The following HNRNPM variants were observed in gnomAD, a reference collection of about 807,000 sequenced individuals.
HNRNPM encodes the protein heterogeneous nuclear ribonucleoprotein M.
A neutral mutation model predicts 73.1 loss-of-function variants in HNRNPM; 11 were observed. The ratio of observed to expected loss-of-function variants is 0.15; its 90% CI spans 0.09 to 0.25. The LOEUF is 0.25. Ranked by LOEUF, HNRNPM falls within the 10% of genes least tolerant of loss-of-function variation. The probability of loss-of-function intolerance (pLI) is 1.00; values close to 1 mark genes in which losing one functional copy is unlikely to be tolerated. For synonymous variants in HNRNPM, 407 were observed against 355.2 expected (o/e 1.15, Z -1.64); for missense variants, 789 against 1,067.9 (o/e 0.74, Z 3.64).
intron 1 of HNRNPM, among the ~76,000 whole-genome samples, chr19:8,449,746 G>A (rs1394381043): frequency 1.1e-4 from 1 of 8,868 alleles, no homozygotes; most frequent in African/African-American, 1.2e-4. Flanking sequence ...CGTTTTAGCC[G>A]GGATGGTCTC....
Position 8,486,386 on chromosome 19 carries a change from G to C in HNRNPM, c.1958G>C (p.Cys653Ser). The part of the protein sequence containing the change: ...GHAPGVARKA[C>S]QIFVRNLPFD... The stretch of plus-strand genomic sequence containing the variant: ...GCTCCTGGGGTGGCCAGGAAGGCCT[G>C]CCAGATATTTGTGAGAAATGTAAGT... Residue 653 changes from cysteine (C) to serine (S), a missense_variant, in exon 14 of 16, where the codon TGC becomes TCC. Coordinates refer to ENST00000325495, the MANE Select transcript of HNRNPM (RefSeq NM_005968.5). 6.4e-7 allele frequency: 1 copy of C among 1,570,398 alleles called. No individual in the cohort carries two copies. Among genetic ancestry groups the C allele is most frequent in the Non-Finnish European group, 8.6e-7 (1 of 1,164,580 alleles).
At chr19:8,456,931 C>G (rs1969067431) in intron 2 of HNRNPM, among the ~76,000 whole-genome samples, 1 of 152,130 alleles carries the variant, frequency 6.6e-6, no homozygotes, top group African/African-American at 2.4e-5. Context: ...ATCCCAGATG[C>G]AGTGTTCTTG....
At chr19:8,469,066 G>A (rs1288270168) in intron 9 of HNRNPM, among the ~76,000 whole-genome samples, 1 of 152,194 alleles carries the variant, frequency 6.6e-6, no homozygotes, top group African/African-American at 2.4e-5. Flanking sequence ...TGTAGAGGAT[G>A]TGGTTAGGCA....
intron 2 of HNRNPM, 127 bp downstream of exon 2, chr19:8,455,701 G>C: frequency 4.7e-6 from 3 of 637,996 alleles, no homozygotes; most frequent in Non-Finnish European, 8.0e-6. Context: ...AGGCTTAAGA[G>C]TGAAGCCCCC....
At chr19:8,458,306 C>G (rs935168191) in intron 2 of HNRNPM, among the ~76,000 whole-genome samples, 1 of 152,188 alleles carries the variant, frequency 6.6e-6, no homozygotes, top group African/African-American at 2.4e-5. Flanking sequence ...TTGAAAGTGA[C>G]TTAACAGGCC....
intron 1 of HNRNPM, among the ~76,000 whole-genome samples, chr19:8,454,187 A>C (rs1427360064): frequency 6.6e-6 from 1 of 152,204 alleles, no homozygotes; most frequent in South Asian, 2.1e-4. Context: ...TGGAACTTTT[A>C]TTCTCATCCC....
At chr19:8,487,206 C>A in intron 15 of HNRNPM, 131 bp downstream of exon 15, 1 of 777,212 alleles carries the variant, frequency 1.3e-6, no homozygotes, top group East Asian at 2.5e-5. Flanking sequence ...GTTCTGCCCA[C>A]GCCAATGCTC....
chr19:8,465,272 G>T (rs1969667567), intron 5 of HNRNPM, 52 bp from the exon 6 acceptor site: 2 of 1,387,686 alleles, frequency 1.4e-6, no homozygotes, highest in South Asian at 2.8e-5. Flanking sequence ...TGCAAGCATG[G>T]TTTGCGTTGT....
Position 8,448,063 on chromosome 19 carries a change from A to G in HNRNPM, c.113+2952A>G, listed in dbSNP as rs1370102808. 7.2e-5 allele frequency among the ~76,000 whole-genome samples: 11 copies of G among 152,188 alleles called. 1 individual carries two copies. The highest frequency in any genetic ancestry group is 7.2e-4 in the Admixed American group (11 of 15,274). ...CAAACAAGAACACTGAAGTTGCTATAGAGTTTTAAGGTTGGAGCACTGGCA... is the reference window on the plus strand; with the variant it reads ...CAAACAAGAACACTGAAGTTGCTATGGAGTTTTAAGGTTGGAGCACTGGCA... On this transcript the variant is annotated intron_variant, in intron 1 of 15. Transcript: ENST00000325495.
At chr19:8,465,643 C>T (rs925197615) in intron 6 of HNRNPM, 128 bp downstream of exon 6, 16 of 716,328 alleles carry the variant, frequency 2.2e-5, no homozygotes, top group Non-Finnish European at 3.1e-5. Context: ...TTCTTGATTT[C>T]TTTAAAAATC....
chr19:8,476,729 G>C (rs1970535496), intron 12 of HNRNPM, among the ~76,000 whole-genome samples: 1 of 152,218 alleles, frequency 6.6e-6, no homozygotes, highest in African/African-American at 2.4e-5. Flanking sequence ...TGAGGTCCTT[G>C]CCAACATGCT....
At chr19:8,472,890 G>T (rs1970249864) in intron 10 of HNRNPM, among the ~76,000 whole-genome samples, 1 of 152,090 alleles carries the variant, frequency 6.6e-6, no homozygotes, top group East Asian at 1.9e-4. Flanking sequence ...CCTTAACAGG[G>T]ATTCTTAAAA....
intron 2 of HNRNPM, among the ~76,000 whole-genome samples, chr19:8,460,415 A>G (rs1301708915): frequency 6.6e-6 from 1 of 152,214 alleles, no homozygotes; most frequent in East Asian, 1.9e-4. Flanking sequence ...TCTCAGGGAC[A>G]GCACTACTCA....
intron 10 of HNRNPM, among the ~76,000 whole-genome samples, chr19:8,471,904 G>T (rs1342405674): frequency 6.6e-6 from 1 of 152,204 alleles, no homozygotes; most frequent in Non-Finnish European, 1.5e-5. Flanking sequence ...CAGGCACGGT[G>T]GCTCACGCCT....
chr19:8,485,854 A>G lies in HNRNPM; in HGVS notation c.1426A>G (p.Met476Val), dbSNP rs757760465. 8.7e-6 allele frequency: 14 copies of G among 1,603,058 alleles called. No homozygotes were observed. Among genetic ancestry groups the G allele is most frequent in the Admixed American group, 1.7e-5 (1 of 59,932 alleles). The part of the protein sequence containing the change: ...ASSIERMGQT[M>V]ERIGSGVERM... The stretch of plus-strand genomic sequence containing the variant: ...CAGCATTGAGCGCATGGGCCAGACC[A>G]TGGAGCGCATTGGCTCTGGCGTGGA... The change falls in exon 14 of 16, where the codon ATG (methionine) becomes GTG (valine). Residue 476 changes from methionine (M) to valine (V), a missense_variant. Coordinates refer to ENST00000325495, the MANE Select transcript of HNRNPM (RefSeq NM_005968.5).
intron 6 of HNRNPM, 147 bp downstream of exon 6, chr19:8,465,662 A>T: frequency 1.5e-6 from 1 of 659,552 alleles, no homozygotes; most frequent in Non-Finnish European, 2.5e-6. Flanking sequence ...TCAGCCTTAT[A>T]GGCGGGCTTT....
intron 12 of HNRNPM, 175 bp from the exon 13 acceptor site, chr19:8,482,983 A>G: frequency 7.0e-6 from 4 of 573,476 alleles, no homozygotes; most frequent in South Asian, 2.3e-5. Flanking sequence ...CCCAGCATCA[A>G]GGACTCTCCT....
intron 7 of HNRNPM, among the ~76,000 whole-genome samples, chr19:8,467,138 C>G (rs1294199730): frequency 6.6e-6 from 1 of 152,106 alleles, no homozygotes; most frequent in Non-Finnish European, 1.5e-5. Flanking sequence ...TGGAGAGTAC[C>G]CCACAGGAGC....
chr19:8,487,098 T>A, intron 15 of HNRNPM, 23 bp downstream of exon 15: 2 of 1,602,360 alleles, frequency 1.2e-6, no homozygotes, highest in East Asian at 2.2e-5. Flanking sequence ...AACGGCTTTG[T>A]AGGTGCTTCC....
Sources: gnomAD v4.1 joint callset for allele counts (sites outside exome capture counted in the v4.1 genomes callset) on GRCh38, gnomAD v4.1.1 for gene constraint, MANE v1.5 for transcripts, NCBI Gene and HGNC (gene_info 2026-07-23, HGNC 2026-07-21) for gene names.